The following ESPL1 variants were observed in gnomAD, a reference collection of about 807,000 sequenced individuals.
ESPL1 encodes separin.
In ESPL1, 50 loss-of-function variants were observed where a neutral mutation model predicts 217.2. That is an observed-to-expected ratio of 0.23 (90% confidence interval 0.18 to 0.29). ESPL1 has a LOEUF of 0.29. Among genes scored for constraint, ESPL1 ranks in the 10% least tolerant of loss-of-function variants. ESPL1 has a pLI of 1.00. For missense variants in ESPL1, 1,834 were observed against 2,603.0 expected (o/e 0.70, Z 6.43); for synonymous variants, 994 against 1,081.3 (o/e 0.92, Z 1.58).
intron 11 of ESPL1, 36 bp downstream of exon 11, chr12:53,277,996 A>G (rs962750566): frequency 6.2e-7 from 1 of 1,604,602 alleles, no homozygotes; most frequent in Non-Finnish European, 8.5e-7. Flanking sequence ...ACCCATATAA[A>G]CAAGGACTAG....
At chr12:53,289,363 T>G in intron 21 of ESPL1, 41 bp from the exon 22 acceptor site, 1 of 1,610,730 alleles carries the variant, frequency 6.2e-7, no homozygotes, top group Non-Finnish European at 8.5e-7. Flanking sequence ...GGTCCAGACT[T>G]TGAAGGAATG....
At chr12:53,271,325 G>A (rs1224906750) in intron 5 of ESPL1, among the ~76,000 whole-genome samples, 3 of 150,838 alleles carry the variant, frequency 2.0e-5, no homozygotes, top group Non-Finnish European at 3.0e-5. Context: ...AGGTTCAAGC[G>A]ACTCTCCTGC....
At position 53,293,414 on chromosome 12, in the gene ESPL1, A is replaced by C; in HGVS notation, c.6303A>C (p.Arg2101=). 1 of 1,614,086 alleles carries C rather than the reference A, an allele frequency of 6.2e-7. No homozygotes were observed. Among genetic ancestry groups the C allele is most frequent in the Non-Finnish European group, 8.5e-7 (1 of 1,180,012 alleles). The change falls in exon 31 of 31, where the codon CGA becomes CGC. Residue 2101 remains arginine, a synonymous_variant. Coordinates refer to ENST00000257934, the MANE Select transcript of ESPL1 (RefSeq NM_012291.5). The surrounding 1 kb of genome is among the most constrained non-coding windows in gnomAD (Gnocchi z 4.2). ...TAAACCAGGCCCGCCAAGCTCCCCG[A>C]CTCAAGTATCTTATTGGGGCTGCAC... is the stretch of plus-strand genomic sequence containing the variant. ...YYVNQARQAP[R]LKYLIGAAPI...
chr12:53,279,789 G>C lies in ESPL1; in HGVS notation c.2422G>C (p.Asp808His). The C allele has an allele frequency of 6.2e-7, 1 of 1,613,844 alleles. No individual in the cohort carries two copies. Among genetic ancestry groups the C allele is most frequent in the Non-Finnish European group, 8.5e-7 (1 of 1,179,918 alleles). Residue 808 changes from aspartate (D) to histidine (H), a missense_variant, in exon 12 of 31, where the codon GAC (aspartate) becomes CAC (histidine). Around this residue, in one of 5 missense-constraint regions of ESPL1, gnomAD observed 746 missense variants for 1,077.0 expected, o/e 0.69. Coordinates refer to ENST00000257934, the MANE Select transcript of ESPL1 (RefSeq NM_012291.5). ...LLRIVSERLKDHSKAAGSSCH... is the reference protein window; with the variant it reads ...LLRIVSERLKHHSKAAGSSCH... ...ACGGATTGTCTCTGAGAGACTGAAG[G>C]ACCACTCGAAGGCAGCTGGCTCCTC...
At position 53,292,153 on chromosome 12, in the gene ESPL1, C is replaced by A; in HGVS notation, c.5796+65C>A. ...TGGGGAAGACGTCAACAAAGAAGGGCAGAGAAACCTGAGAAGATAGGAGAG... is the reference window on the plus strand; with the variant it reads ...TGGGGAAGACGTCAACAAAGAAGGGAAGAGAAACCTGAGAAGATAGGAGAG... On this transcript the variant is annotated intron_variant, in intron 27 of 30. Coordinates refer to ENST00000257934, the MANE Select transcript of ESPL1 (RefSeq NM_012291.5). This position sits in a 1 kb window ranked among gnomAD's most constrained non-coding sequence, Gnocchi z 4.5. The A allele has an allele frequency of 6.9e-7, 1 of 1,454,088 alleles. No homozygotes were observed. Among genetic ancestry groups the A allele is most frequent in the Non-Finnish European group, 9.7e-7 (1 of 1,034,624 alleles). 90.1% of individuals were successfully genotyped at this position (1,454,088 alleles called of 1,614,324 possible).
chr12:53,290,455 G>T lies in ESPL1; in HGVS notation c.5350G>T (p.Asp1784Tyr). 1 of 1,612,788 alleles carries T rather than the reference G, an allele frequency of 6.2e-7. No homozygotes were observed. Among genetic ancestry groups the T allele is most frequent in the South Asian group, 1.1e-5 (1 of 90,626 alleles). The change falls in exon 24 of 31, where the codon GAC becomes TAC. Residue 1784 changes from aspartate to tyrosine, a missense_variant. Asp to Tyr is a radical substitution (Grantham distance 160). Coordinates refer to ENST00000257934, the MANE Select transcript of ESPL1 (RefSeq NM_012291.5). ...REWWTGRLAL[D>Y]HRMEVLIASL... is the part of the protein sequence containing the mutation. ...ATGGTGGACAGGGCGGCTGGCACTGGACCACAGGATGGAGGTGTGTGCTTC... is the reference window on the plus strand; with the variant it reads ...ATGGTGGACAGGGCGGCTGGCACTGTACCACAGGATGGAGGTGTGTGCTTC...
chr12:53,287,817 C>G (rs1565762620), intron 18 of ESPL1, 155 bp from the exon 19 acceptor site: 2 of 694,042 alleles, frequency 2.9e-6, no homozygotes, highest in African/African-American at 1.8e-5. Flanking sequence ...TGCCCCTGAT[C>G]TAGAGTGTTG....
chr12:53,283,082 T>C, intron 14 of ESPL1, 47 bp from the exon 15 acceptor site: 1 of 1,612,164 alleles, frequency 6.2e-7, no homozygotes, highest in Non-Finnish European at 8.5e-7. Flanking sequence ...CTAAAAGTGG[T>C]GAAGTTCTGG....
At position 53,276,854 on chromosome 12, in the gene ESPL1, C is replaced by A. The variant is rs1943774151; in HGVS notation, c.1935C>A (p.Thr645=). ...GCTACCACGACTTTACGCAGCAGAC[C>A]AACTGGTAAGGAGTAGTAGCTGCAG... is the stretch of plus-strand genomic sequence containing the variant. ...VLCYHDFTQQ[T]NCSALDAIRE... is the part of the protein sequence containing the mutation. Residue 645 remains threonine, a synonymous_variant, in exon 8 of 31, where the codon ACC becomes ACA. Coordinates refer to ENST00000257934, the MANE Select transcript of ESPL1 (RefSeq NM_012291.5). 2 of 1,613,632 alleles carry A rather than the reference C, an allele frequency of 1.2e-6. No individual in the cohort carries two copies. Among genetic ancestry groups the A allele is most frequent in the South Asian group, 1.1e-5 (1 of 91,058 alleles).
At chr12:53,279,651 G>A in intron 11 of ESPL1, 81 bp from the exon 12 acceptor site, 1 of 1,486,078 alleles carries the variant, frequency 6.7e-7, no homozygotes, top group Non-Finnish European at 9.3e-7. Flanking sequence ...ACAGTCCAAG[G>A]TCCCAAAGGG....
intron 5 of ESPL1, among the ~76,000 whole-genome samples, chr12:53,271,688 A>C (rs1225722872): frequency 6.6e-6 from 1 of 151,996 alleles, no homozygotes; most frequent in East Asian, 2.0e-4. Context: ...CATCTCAAAA[A>C]AAAAGGAGAA....
rs372160102 is a variant in ESPL1, at chr12:53,281,946, C to G, written c.2620-318C>G. 1.0e-3 allele frequency among the ~76,000 whole-genome samples: 156 copies of G among 152,298 alleles called. 6 individuals are homozygous for G. In the South Asian group the frequency reaches 0.031, roughly 31 times the overall value. ...AGGGGATGGCAAAGACTTGAGTTTT[C>G]TCCCAAACTAGTTGTGTGACTTGGG... On this transcript the variant is annotated intron_variant, in intron 13 of 30. Transcript: ENST00000257934.
Position 53,290,831 on chromosome 12 carries a change from C to G in ESPL1, c.5365-10C>G. On this transcript the variant is annotated splice_polypyrimidine_tract_variant and intron_variant, in intron 24 of 30. Transcript: ENST00000257934. The stretch of plus-strand genomic sequence containing the variant: ...CCTCTCTGACTGAAGGGTCTGCCCT[C>G]TGCATTCAGGTTCTCATCGCTTCCC... 2 of 1,485,966 alleles carry G rather than the reference C, an allele frequency of 1.3e-6. No homozygotes were observed. Among genetic ancestry groups the G allele is most frequent in the African/African-American group, 1.7e-5 (1 of 60,180 alleles). 92.0% of individuals were successfully genotyped at this position (1,485,966 alleles called of 1,614,324 possible). A position where few individuals can be genotyped will look rare whatever the true frequency, so the allele number is the denominator to read the frequency against.
Position 53,292,701 on chromosome 12 carries a change from G to C in ESPL1, c.5996+44G>C, listed in dbSNP as rs74090735. ...GATGTGGGGAGAGGGGCAGTCCTGA[G>C]GATGGTATCACCATGGGTTGCTTTG... On this transcript the variant is annotated intron_variant, in intron 29 of 30. Transcript: ENST00000257934. The surrounding 1 kb of genome is among the most constrained non-coding windows in gnomAD (Gnocchi z 4.5). 1.2e-3 allele frequency: 1,844 copies of C among 1,599,652 alleles called. 14 individuals carry two copies. In the African/African-American group the frequency reaches 0.019, roughly 17 times the overall value.
chr12:53,285,787 TACATATATATACAC>T lies in ESPL1; in HGVS notation c.3188-122_3188-109del, dbSNP rs1371586445. ...TAATATTTGATATGTTATACAGTAATACATATATATACACACATATATATACACGTACGTATATA... is the reference window on the plus strand; with the variant it reads ...TAATATTTGATATGTTATACAGTAATACATATATATACACGTACGTATATA... On this transcript the variant is annotated intron_variant, in intron 17 of 30. Coordinates refer to ENST00000257934, the MANE Select transcript of ESPL1 (RefSeq NM_012291.5). 28 of 570,412 alleles carry T rather than the reference TACATATATATACAC, an allele frequency of 4.9e-5. No individual in the cohort carries two copies. In the East Asian group the frequency reaches 5.2e-4, roughly 11 times the overall value. The allele number at this position is 570,412 out of a possible 1,614,324, so 35.3% of individuals were successfully genotyped here.
chr12:53,269,649 G>C lies in ESPL1; in HGVS notation c.707G>C (p.Arg236Thr), dbSNP rs113504178. Residue 236 changes from arginine to threonine, a missense_variant, in exon 3 of 31, where the codon AGA becomes ACA. By Grantham distance (71) the Arg-to-Thr change is moderately conservative (BLOSUM62 -1). This residue lies in a region of ESPL1 where 746 missense variants were observed against 1,077.0 expected (regional missense o/e 0.69). Transcript: ENST00000257934. This position sits in a 1 kb window ranked among gnomAD's most constrained non-coding sequence, Gnocchi z 6.7. The part of the protein sequence containing the change: ...RHVIRALVGE[R>T]GSSSGLLSPQ... The stretch of plus-strand genomic sequence containing the variant: ...GTGATCAGAGCCTTGGTGGGTGAGA[G>C]AGGGAGCTCTTCTGGGCTTCTTTCT... The C allele has an allele frequency of 1.3e-3, 2,147 of 1,614,204 alleles. 3 individuals carry two copies. The highest frequency in any genetic ancestry group is 1.7e-3 in the Non-Finnish European group (1,979 of 1,180,040).
chr12:53,293,450 T>C lies in ESPL1; in HGVS notation c.6339T>C (p.Tyr2113=), dbSNP rs1245318412. 1.2e-6 allele frequency: 2 copies of C among 1,614,040 alleles called. No individual in the cohort carries two copies. The highest frequency in any genetic ancestry group is 1.7e-6 in the Non-Finnish European group (2 of 1,179,994). ...TTATTGGGGCTGCACCTATAGCCTA[T>C]GGCTTGCCTGTCTCTCTGCGGTAAC... ...KYLIGAAPIA[Y]GLPVSLR is the part of the protein sequence containing the mutation. Residue 2113 remains tyrosine (Y), a synonymous_variant, in exon 31 of 31, where the codon TAT becomes TAC. Transcript: ENST00000257934. This position sits in a 1 kb window ranked among gnomAD's most constrained non-coding sequence, Gnocchi z 4.2.
At chr12:53,270,217 C>T in intron 3 of ESPL1, 132 bp downstream of exon 3, 1 of 973,028 alleles carries the variant, frequency 1.0e-6, no homozygotes, top group East Asian at 2.4e-5. Flanking sequence ...CCTAGCGAGC[C>T]AGCAAACAGC....
At chr12:53,277,057 A>G (rs1430271704) in intron 8 of ESPL1, 26 bp from the exon 9 acceptor site, 8 of 1,605,616 alleles carry the variant, frequency 5.0e-6, no homozygotes, top group Admixed American at 1.7e-5. Context: ...TAGTAGGCCC[A>G]GCTTAAGCAC....
Sources: allele counts gnomAD v4.1 joint callset (sites outside exome capture counted in the v4.1 genomes callset), GRCh38; gene constraint gnomAD v4.1.1; regional missense constraint gnomAD v4.1.1; non-coding constraint Gnocchi (gnomAD v3.1); transcripts MANE v1.5; gene names NCBI Gene and HGNC (gene_info 2026-07-23, HGNC 2026-07-21).